The following DNAH9 variants were observed in gnomAD, a reference collection of about 807,000 sequenced individuals.
The protein encoded by DNAH9 is dynein axonemal heavy chain 9, also known as DNAH9 variant protein.
DNAH9 carries 345 observed loss-of-function variants against 471.6 expected under a neutral mutation model. That is an observed-to-expected ratio of 0.73 (90% CI 0.67 to 0.80). The LOEUF (loss-of-function observed/expected upper bound fraction) is 0.80, where lower values mean the gene tolerates loss of function less well. DNAH9 is among the 30% of genes least tolerant of loss of function. DNAH9 has a pLI of 0.00. For synonymous variants in DNAH9, 2,093 were observed against 2,123.6 expected, an observed-to-expected ratio of 0.99 and a Z score of 0.40; for missense variants, 5,407 against 5,609.2, an observed-to-expected ratio of 0.96 and a Z score of 1.15.
rs944184024 is a variant in DNAH9 at position 11,891,652 on chromosome 17, A to G, written c.11113-125A>G. The G allele has an allele frequency of 5.3e-6, 6 of 1,142,132 alleles. 1 individual carries two copies. The highest frequency in any genetic ancestry group is 4.7e-5 in the African/African-American group (3 of 64,474). 70.7% of individuals were successfully genotyped at this position (1,142,132 alleles called of 1,614,324 possible). ...AGCACTGTGATCACAGGCATGAGCC[A>G]CCGTGCCTGGCCTTGGGAAAAAATT... On this transcript the variant is annotated intron_variant, in intron 57 of 68. Transcript: ENST00000262442.
intron 45 of DNAH9, among the ~76,000 whole-genome samples, chr17:11,811,789 A>G (rs1183432437): frequency 6.6e-6 from 1 of 151,606 alleles, no homozygotes. Flanking sequence ...ACTGTTACAG[A>G]TATGCTCTGT....
intron 61 of DNAH9, among the ~76,000 whole-genome samples, chr17:11,909,597 A>G (rs1008058910): frequency 6.6e-6 from 1 of 152,080 alleles, no homozygotes; most frequent in Non-Finnish European, 1.5e-5. Flanking sequence ...CCCTGATCTC[A>G]GGAAATGTAA....
intron 43 of DNAH9, among the ~76,000 whole-genome samples, chr17:11,801,805 T>C (rs181284202): frequency 6.6e-6 from 1 of 152,296 alleles, no homozygotes; most frequent in East Asian, 1.9e-4. Context: ...TCTTTGTCCT[T>C]TAAGGGCGAA....
At chr17:11,965,233 T>C (rs976420543) in intron 68 of DNAH9, among the ~76,000 whole-genome samples, 5 of 152,196 alleles carry the variant, frequency 3.3e-5, no homozygotes, top group African/African-American at 9.6e-5. Context: ...CTTGAGGTTC[T>C]AGGAAAACAG....
chr17:11,657,268 AGT>A (rs1299785558), intron 14 of DNAH9, among the ~76,000 whole-genome samples: 3 of 152,086 alleles, frequency 2.0e-5, no homozygotes, highest in Non-Finnish European at 2.9e-5. Context: ...CATTTTAGTC[AGT>A]GTGTTTTTGT....
chr17:11,962,172 G>A lies in DNAH9; in HGVS notation c.13149G>A (p.Lys4383=). The change falls in exon 68 of 69, where the codon AAG becomes AAA. Residue 4383 remains lysine (K), a synonymous_variant. Coordinates refer to ENST00000262442, the MANE Select transcript of DNAH9 (RefSeq NM_001372.4). The surrounding 1 kb of genome is among the most constrained non-coding windows in gnomAD (Gnocchi z 4.1). ...QMALQCDMTK[K]NREEFRSPPR... is the part of the protein sequence containing the mutation. Reference sequence around the variant, plus strand: ...CCCTGCAATGTGACATGACGAAGAAGAACAGAGAAGAGTTTAGGAGTCCTC... The same window carrying A: ...CCCTGCAATGTGACATGACGAAGAAAAACAGAGAAGAGTTTAGGAGTCCTC... 6.2e-7 allele frequency: 1 copy of A among 1,614,106 alleles called. No homozygotes were observed. Among genetic ancestry groups the A allele is most frequent in the Non-Finnish European group, 8.5e-7 (1 of 1,180,044 alleles).
chr17:11,668,884 A>G (rs887389493), intron 15 of DNAH9, among the ~76,000 whole-genome samples, 180 bp from the exon 16 acceptor site: 5 of 152,132 alleles, frequency 3.3e-5, no homozygotes, highest in African/African-American at 1.2e-4. Context: ...ATTGAGAAGC[A>G]CTGCAAGACT....
chr17:11,955,366 C>T (rs890115552), intron 67 of DNAH9, among the ~76,000 whole-genome samples: 3 of 151,890 alleles, frequency 2.0e-5, no homozygotes, highest in African/African-American at 7.3e-5. Flanking sequence ...CAATTCTTGC[C>T]CTAGAGCAGC....
chr17:11,649,164 T>C (rs1256700398), intron 12 of DNAH9, among the ~76,000 whole-genome samples: 1 of 152,008 alleles, frequency 6.6e-6, no homozygotes, highest in African/African-American at 2.4e-5. Context: ...AACACACTTA[T>C]CTTATTAGTC....
intron 67 of DNAH9, among the ~76,000 whole-genome samples, chr17:11,946,507 C>CA (rs200788637): frequency 0.035 from 5,187 of 148,438 alleles, 287 homozygotes; most frequent in African/African-American, 0.12. Context: ...ACTAAAAATA[C>CA]AAAAAAAATA....
intron 56 of DNAH9, among the ~76,000 whole-genome samples, 176 bp downstream of exon 56, chr17:11,883,926 A>G (rs1294439705): frequency 6.6e-6 from 1 of 152,108 alleles, no homozygotes; most frequent in East Asian, 1.9e-4. Flanking sequence ...TGAAGTGACT[A>G]CCCCATATAT....
chr17:11,727,859 C>CT lies in DNAH9; in HGVS notation c.5752dup (p.Trp1918LeufsTer5). ...ACAAAGGCCTTGCTCAGACTGGTGC[C>CT]TGGGGCTGCTTTGATGAGTTTAATC... On this transcript the variant is annotated frameshift_variant, in exon 28 of 69. Coordinates refer to ENST00000262442, the MANE Select transcript of DNAH9 (RefSeq NM_001372.4). LOFTEE classifies it high-confidence loss of function. The CT allele has an allele frequency of 6.2e-7, 1 of 1,614,088 alleles. No individual in the cohort carries two copies. Among genetic ancestry groups the CT allele is most frequent in the Non-Finnish European group, 8.5e-7 (1 of 1,179,980 alleles).
rs1224746025 is a variant in DNAH9, at chr17:11,931,998, G to A, written c.12106-16G>A. On this transcript the variant is annotated splice_polypyrimidine_tract_variant and intron_variant, in intron 63 of 68. Coordinates refer to ENST00000262442, the MANE Select transcript of DNAH9 (RefSeq NM_001372.4). ...GAAGTTGTGTGCGAACCTTAAAAGC[G>A]ACACTCTCATTTCAGGACACTCTGG... is the stretch of plus-strand genomic sequence containing the variant. The A allele has an allele frequency of 2.5e-6, 4 of 1,613,042 alleles. No homozygotes were observed. The highest frequency in any genetic ancestry group is 2.2e-5 in the East Asian group (1 of 44,880).
intron 61 of DNAH9, among the ~76,000 whole-genome samples, chr17:11,915,534 C>CAA (rs1567897238): frequency 2.7e-5 from 4 of 149,550 alleles, no homozygotes; most frequent in Non-Finnish European, 5.9e-5. Flanking sequence ...AACAAACAAA[C>CAA]ACAAACACAC....
At position 11,905,827 on chromosome 17, in the gene DNAH9, T is replaced by C. The variant is rs1973578977; in HGVS notation, c.11749+18T>C. On this transcript the variant is annotated intron_variant, in intron 61 of 68. Coordinates refer to ENST00000262442, the MANE Select transcript of DNAH9 (RefSeq NM_001372.4). ...AAGTCAAGGTGAGAAAGGCGTCCTC[T>C]TGGAGCCAGGGCTGCATTTGCCCCA... is the stretch of plus-strand genomic sequence containing the variant. The C allele has an allele frequency of 6.3e-7, 1 of 1,593,600 alleles. No homozygotes were observed. The highest frequency in any genetic ancestry group is 1.3e-5 in the African/African-American group (1 of 74,244).
intron 26 of DNAH9, among the ~76,000 whole-genome samples, chr17:11,712,460 T>C (rs1358449848): frequency 6.6e-6 from 1 of 151,974 alleles, no homozygotes; most frequent in Admixed American, 6.6e-5. Flanking sequence ...AAAATTGTTA[T>C]GGTACTTTTA....
At chr17:11,964,520 CA>C (rs1391675431) in intron 68 of DNAH9, among the ~76,000 whole-genome samples, 1 of 152,074 alleles carries the variant, frequency 6.6e-6, no homozygotes, top group Non-Finnish European at 1.5e-5. Context: ...AAGATGTCGG[CA>C]AAAATGGAAG....
At chr17:11,926,060 A>AAAAAAAAAAAAAAAAAAAC (rs1974311799) in intron 62 of DNAH9, among the ~76,000 whole-genome samples, 1 of 149,256 alleles carries the variant, frequency 6.7e-6, no homozygotes, top group Admixed American at 6.6e-5. Flanking sequence ...AAAAAAAAAA[A>AAAAAAAAAAAAAAAAAAAC]AAGCTGGGGG....
rs911814110 is a variant in DNAH9 at position 11,694,837 on chromosome 17, T to C, written c.4872+390T>C. ...CTTTCTTTCTTTCTTTCTTTCTTTC[T>C]TTCCTTCCTTCCTTCCTTCCTTCCT... On this transcript the variant is annotated intron_variant, in intron 22 of 68. Transcript: ENST00000262442. Among the ~76,000 whole-genome samples, 7 of 2,336 alleles carry C rather than the reference T, an allele frequency of 3.0e-3. 1 individual carries two copies. Among genetic ancestry groups the C allele is most frequent in the East Asian group, 7.3e-3 (2 of 274 alleles). 1.5% of individuals were successfully genotyped at this position (2,336 alleles called of 152,430 possible).
Sources: gnomAD v4.1 joint callset for allele counts (sites outside exome capture counted in the v4.1 genomes callset) on GRCh38, gnomAD v4.1.1 for gene constraint, Gnocchi (gnomAD v3.1) non-coding constraint, MANE v1.5 for transcripts, NCBI Gene and HGNC (gene_info 2026-07-23, HGNC 2026-07-21) for gene names.